Variants in MYH13 observed in about 807,000 individuals in gnomAD.
The protein encoded by MYH13 is myosin-13.
Under a neutral mutation model 232.1 loss-of-function variants are expected in MYH13, and 177 were observed. The ratio of observed to expected loss-of-function variants is 0.76; its 90% CI spans 0.67 to 0.86. The LOEUF is 0.86. Among genes scored for constraint, MYH13 ranks in the 40% least tolerant of loss-of-function variants. The pLI is 0.00. For missense variants in MYH13, 2,246 were observed against 2,405.9 expected (o/e 0.93, Z 1.39); for synonymous variants, 884 against 923.5 (o/e 0.96, Z 0.78).
At chr17:10,311,323 G>C (rs1416683822) in intron 32 of MYH13, 96 bp from the exon 33 acceptor site, 22 of 1,468,984 alleles carry the variant, frequency 1.5e-5, no homozygotes, top group Non-Finnish European at 1.9e-5. Context: ...ATTCATTCAT[G>C]ACATTTATAC....
chr17:10,342,977 C>G (rs2071630006), intron 16 of MYH13, among the ~76,000 whole-genome samples: 1 of 151,616 alleles, frequency 6.6e-6, no homozygotes, highest in Non-Finnish European at 1.5e-5. Context: ...GTAGTCCCAG[C>G]TACTTGGGAG....
intron 11 of MYH13, among the ~76,000 whole-genome samples, chr17:10,354,009 T>A (rs1463452838): frequency 6.6e-6 from 1 of 151,866 alleles, no homozygotes; most frequent in East Asian, 1.9e-4. Flanking sequence ...TCCAGAAAAT[T>A]ATATATATTT....
At chr17:10,336,205 CTTGCT>C (rs1263105180) in intron 18 of MYH13, among the ~76,000 whole-genome samples, 1 of 152,140 alleles carries the variant, frequency 6.6e-6, no homozygotes, top group African/African-American at 2.4e-5. Flanking sequence ...TCTCTTAGGG[CTTGCT>C]TTGTTTTTCC....
rs1318062572 is a variant in MYH13 at position 10,320,434 on chromosome 17, C to T, written c.3174G>A (p.Lys1058=). 6.2e-7 allele frequency: 1 copy of T among 1,613,578 alleles called. No individual in the cohort carries two copies. Among genetic ancestry groups the T allele is most frequent in the African/African-American group, 1.3e-5 (1 of 75,066 alleles). ...GGGACATTTTCAGATCTCCTTCCAG[C>T]TTCCTCTTCGCCCTTTCCAAGTCCG... ...LRADLERAKR[K]LEGDLKMSQE... is the part of the protein sequence containing the mutation. The change falls in exon 25 of 41, where the codon AAG becomes AAA. Residue 1058 remains lysine, a synonymous_variant. Transcript: ENST00000252172.
At chr17:10,321,462 A>G (rs1906935547) in intron 24 of MYH13, 70 bp downstream of exon 24, 1 of 1,457,348 alleles carries the variant, frequency 6.9e-7, no homozygotes, top group Non-Finnish European at 9.4e-7. Flanking sequence ...CCTGTGTCCT[A>G]GTTAGACTGT....
Position 10,306,857 on chromosome 17 carries a change from A to G in MYH13, c.5295+82T>C, listed in dbSNP as rs118012480. The G allele has an allele frequency of 2.1e-3, 3,385 of 1,598,510 alleles. 7 individuals carry two copies. The highest frequency in any genetic ancestry group is 2.6e-3 in the Non-Finnish European group (3,087 of 1,176,560). On this transcript the variant is annotated intron_variant, in intron 36 of 40. Transcript: ENST00000252172. The surrounding 1 kb of genome is among the most constrained non-coding windows in gnomAD (Gnocchi z 4.3). ...AACCGATTGTTGTCATAAGAGATGA[A>G]ACATACTTGCCACACCCTGGCTCAG...
chr17:10,336,726 C>T (rs191577318), intron 18 of MYH13, among the ~76,000 whole-genome samples: 1 of 152,160 alleles, frequency 6.6e-6, no homozygotes, highest in East Asian at 1.9e-4. Flanking sequence ...CATTTTGAAG[C>T]CTGCTGAAAC....
intron 5 of MYH13, among the ~76,000 whole-genome samples, 181 bp downstream of exon 5, chr17:10,361,937 C>T (rs1357464777): frequency 1.3e-5 from 2 of 152,210 alleles, no homozygotes; most frequent in Admixed American, 6.5e-5. Context: ...TAATCACAGG[C>T]CTTGTCATGC....
At chr17:10,324,765 T>TG (rs1353086298) in intron 22 of MYH13, 19 of 93,108 alleles carry the variant, frequency 2.0e-4, no homozygotes, top group African/African-American at 5.1e-4. Context: ...TGTTTTTTTT[T>TG]TTTTTTTTTT....
Position 10,313,297 on chromosome 17 carries a change from G to T in MYH13, c.4042C>A (p.Arg1348=). 4 of 1,614,236 alleles carry T rather than the reference G, an allele frequency of 2.5e-6. No individual in the cohort carries two copies. The East Asian group carries it at 8.9e-5, about 36-fold the overall frequency. The change falls in exon 30 of 41, where the codon CGG becomes AGG. Residue 1348 remains arginine, a synonymous_variant. Coordinates refer to ENST00000252172, the MANE Select transcript of MYH13 (RefSeq NM_003802.3). ...TCCTGCTCCTCCTCATACTGTTCCCGCAGCAGGTCACAGTCGTGGCGGGAG... is the reference window on the plus strand; with the variant it reads ...TCCTGCTCCTCCTCATACTGTTCCCTCAGCAGGTCACAGTCGTGGCGGGAG... The part of the protein sequence containing the change: ...QSSRHDCDLL[R]EQYEEEQEAK...
At chr17:10,311,830 G>T (rs1906517346) in intron 32 of MYH13, 81 bp downstream of exon 32, 1 of 1,518,794 alleles carries the variant, frequency 6.6e-7, no homozygotes. Context: ...GAGGTGTCTG[G>T]AGATGGCTGT....
At position 10,350,988 on chromosome 17, in the gene MYH13, A is replaced by T. The variant is rs1232592485; in HGVS notation, c.1006-294T>A. 2.2e-4 allele frequency among the ~76,000 whole-genome samples: 34 copies of T among 152,010 alleles called. 1 individual carries two copies. The East Asian group carries it at 6.6e-3, about 30-fold the overall frequency. On this transcript the variant is annotated intron_variant, in intron 11 of 40. Coordinates refer to ENST00000252172, the MANE Select transcript of MYH13 (RefSeq NM_003802.3). Reference sequence around the variant, plus strand: ...TGTAATCCCAGCACTTTGAGAGGCCAGGGCAGGCAGATTACGAGGTCAGGA... The same window carrying T: ...TGTAATCCCAGCACTTTGAGAGGCCTGGGCAGGCAGATTACGAGGTCAGGA...
chr17:10,313,381 CA>C lies in MYH13; in HGVS notation c.3985-28del, dbSNP rs778762983. 1.7e-5 allele frequency: 28 copies of C among 1,612,988 alleles called. No individual in the cohort carries two copies. The South Asian group carries it at 3.0e-4, about 17-fold the overall frequency. ...TGGGAATGACAGCGGTGACAAATTG[CA>C]AAAACATTTGACCCTTTTCCAAGTT... On this transcript the variant is annotated intron_variant, in intron 29 of 40. Coordinates refer to ENST00000252172, the MANE Select transcript of MYH13 (RefSeq NM_003802.3).
Position 10,334,201 on chromosome 17 carries a change from G to T in MYH13, c.2057-1010C>A, listed in dbSNP as rs185109069. 3.9e-3 allele frequency among the ~76,000 whole-genome samples: 593 copies of T among 152,234 alleles called. 6 individuals carry two copies. The highest frequency in any genetic ancestry group is 3.2e-3 in the Non-Finnish European group (217 of 68,000). On this transcript the variant is annotated intron_variant, in intron 18 of 40. Coordinates refer to ENST00000252172, the MANE Select transcript of MYH13 (RefSeq NM_003802.3). ...GCAACCTGATGGCTTCTCTTTGTGG[G>T]CTCCCTAAGTTGCCGGGGTGGGAGT...
At chr17:10,324,542 T>A (rs1182670501) in intron 22 of MYH13, among the ~76,000 whole-genome samples, 1 of 152,106 alleles carries the variant, frequency 6.6e-6, no homozygotes, top group Non-Finnish European at 1.5e-5. Context: ...GCCTCCCAGG[T>A]TCTAGCGATT....
intron 8 of MYH13, among the ~76,000 whole-genome samples, chr17:10,357,187 C>T (rs1343097135): frequency 6.6e-6 from 1 of 152,140 alleles, no homozygotes; most frequent in Non-Finnish European, 1.5e-5. Flanking sequence ...GTCTCAAACT[C>T]CTGGTCTCAA....
At chr17:10,362,931 A>C (rs2071805162) in intron 3 of MYH13, among the ~76,000 whole-genome samples, 1 of 151,642 alleles carries the variant, frequency 6.6e-6, no homozygotes, top group South Asian at 2.1e-4. Flanking sequence ...GTCTTCATGA[A>C]AATTTTGTTT....
intron 2 of MYH13, among the ~76,000 whole-genome samples, chr17:10,365,958 C>G (rs1300137977): frequency 6.6e-6 from 1 of 151,566 alleles, no homozygotes; most frequent in Non-Finnish European, 1.5e-5. Context: ...AACTATCTCC[C>G]TTTGCTGCCT....
rs1035164507 is a variant in MYH13 at position 10,323,488 on chromosome 17, G to A, written c.2934+534C>T. On this transcript the variant is annotated intron_variant, in intron 23 of 40. Coordinates refer to ENST00000252172, the MANE Select transcript of MYH13 (RefSeq NM_003802.3). ...AGGGTTGAGAAGAGCCTATGGGGCC[G>A]GGCTCACACCTGTAATCCAAGCACT... 2.0e-5 allele frequency among the ~76,000 whole-genome samples: 3 copies of A among 151,758 alleles called. 1 individual carries two copies. The highest frequency in any genetic ancestry group is 4.8e-5 in the African/African-American group (2 of 41,330).
Sources: gnomAD v4.1 joint callset for allele counts (sites outside exome capture counted in the v4.1 genomes callset) on GRCh38, gnomAD v4.1.1 for gene constraint, Gnocchi (gnomAD v3.1) non-coding constraint, MANE v1.5 for transcripts, NCBI Gene and HGNC (gene_info 2026-07-23, HGNC 2026-07-21) for gene names.